The following PLEKHG4B variants were observed in gnomAD, a reference collection of about 807,000 sequenced individuals.
The protein encoded by PLEKHG4B is pleckstrin homology and RhoGEF domain containing G4B.
In PLEKHG4B, 111 loss-of-function variants were observed where a neutral mutation model predicts 121.3. That is an observed-to-expected ratio of 0.92 (90% CI 0.78 to 1.07). The LOEUF (loss-of-function observed/expected upper bound fraction) is 1.07. Among genes scored for constraint, PLEKHG4B ranks in the 50% least tolerant of loss-of-function variants. The pLI is 0.00. For missense variants in PLEKHG4B, 1,831 were observed against 1,757.8 expected, an observed-to-expected ratio of 1.04 and a Z score of -0.74; for synonymous variants, 738 against 725.0, an observed-to-expected ratio of 1.02 and a Z score of -0.29.
chr5:106,379 C>T (rs532552718), intron 1 of PLEKHG4B, among the ~76,000 whole-genome samples: 5 of 152,286 alleles, frequency 3.3e-5, no homozygotes, highest in African/African-American at 1.2e-4. Flanking sequence ...AAGAAGGTTC[C>T]AGTCCTCAGA....
At position 154,947 on chromosome 5, in the gene PLEKHG4B, G is replaced by A. The variant is rs559530263; in HGVS notation, c.2065G>A (p.Gly689Ser). 3 of 1,613,452 alleles carry A rather than the reference G, an allele frequency of 1.9e-6. No homozygotes were observed. The highest frequency in any genetic ancestry group is 1.3e-5 in the African/African-American group (1 of 74,894). Reference sequence around the variant, plus strand: ...CTGCCAGCTGACCGCAGACCTCGACGGCTCCTTTCCCTACAGCCATGGTGA... The same window carrying A: ...CTGCCAGCTGACCGCAGACCTCGACAGCTCCTTTCCCTACAGCCATGGTGA... ...DSCQLTADLD[G>S]SFPYSHGDWI... Residue 689 changes from glycine (G) to serine (S), a missense_variant, in exon 8 of 20, where the codon GGC (glycine) becomes AGC (serine). Transcript: ENST00000637938.
At position 99,479 on chromosome 5, in the gene PLEKHG4B, G is replaced by A. The variant is rs115895057; in HGVS notation, c.45+7203G>A. Reference sequence around the variant, plus strand: ...CCTTTACGTTTAAATTTATTCCTAGGTATTTAATTCTTTTAGATGCTATTG... The same window carrying A: ...CCTTTACGTTTAAATTTATTCCTAGATATTTAATTCTTTTAGATGCTATTG... On this transcript the variant is annotated intron_variant, in intron 1 of 19. Coordinates refer to ENST00000637938, the MANE Select transcript of PLEKHG4B (RefSeq NM_052909.5). Among the ~76,000 whole-genome samples, 655 of 151,792 alleles carry A rather than the reference G, an allele frequency of 4.3e-3. 7 individuals are homozygous for A. Among genetic ancestry groups the A allele is most frequent in the African/African-American group, 0.015 (624 of 41,314 alleles).
At position 140,253 on chromosome 5, in the gene PLEKHG4B, G is replaced by A; in HGVS notation, c.1014G>A (p.Arg338=). ...TGGGCATCCCGAGCAGCAGGAGGCGGCCGCCGGGGGACCCCACTTGTGTGC... is the reference window on the plus strand; with the variant it reads ...TGGGCATCCCGAGCAGCAGGAGGCGACCGCCGGGGGACCCCACTTGTGTGC... ...TDLGIPSSRR[R]PPGDPTCVQP... The change falls in exon 3 of 20, where the codon CGG becomes CGA. Residue 338 remains arginine (R), a synonymous_variant. Transcript: ENST00000637938. The A allele has an allele frequency of 2.1e-6, 3 of 1,451,784 alleles. No individual in the cohort carries two copies. The highest frequency in any genetic ancestry group is 5.6e-5 in the Admixed American group (2 of 35,634). 89.9% of individuals were successfully genotyped at this position (1,451,784 alleles called of 1,614,324 possible). A position where few individuals can be genotyped will look rare whatever the true frequency, so the allele number is the denominator to read the frequency against.
chr5:98,708 C>G (rs181053115), intron 1 of PLEKHG4B, among the ~76,000 whole-genome samples: 3,138 of 146,974 alleles, frequency 0.021, 65 homozygotes, highest in Non-Finnish European at 0.032. Flanking sequence ...TCCTGACCCT[C>G]ATGATCCACC....
rs144694162 is a variant in PLEKHG4B at position 143,081 on chromosome 5, C to T, written c.1512C>T (p.Asp504=). The T allele has an allele frequency of 7.4e-5, 120 of 1,613,198 alleles. No individual in the cohort carries two copies. The African/African-American group carries it at 1.2e-3, about 16-fold the overall frequency. The change falls in exon 4 of 20, where the codon GAC becomes GAT. Residue 504 remains aspartate, a synonymous_variant. Transcript: ENST00000637938. ...VLASSACVST[D]GGSLHCHNPS... ...CATCCTCAGCCTGTGTCAGCACAGA[C>T]GGCGGCAGCCTCCATTGCCACAACC...
At chr5:175,059 G>A (rs1283349809) in intron 18 of PLEKHG4B, among the ~76,000 whole-genome samples, 1 of 152,088 alleles carries the variant, frequency 6.6e-6, no homozygotes, top group Non-Finnish European at 1.5e-5. Context: ...ACTCACACAC[G>A]TGTCTCTCGT....
chr5:141,605 C>T (rs923130965), intron 3 of PLEKHG4B, among the ~76,000 whole-genome samples: 1 of 151,394 alleles, frequency 6.6e-6, no homozygotes, highest in African/African-American at 2.4e-5. Context: ...CTGGAGGCCA[C>T]ATTCACAGTT....
At chr5:101,561 G>C (rs1733813647) in intron 1 of PLEKHG4B, among the ~76,000 whole-genome samples, 1 of 133,542 alleles carries the variant, frequency 7.5e-6, no homozygotes, top group South Asian at 2.2e-4. Context: ...TCTGGAAAAA[G>C]TCTGTAGGGG....
intron 2 of PLEKHG4B, among the ~76,000 whole-genome samples, chr5:123,587 G>C (rs1734529565): frequency 6.6e-6 from 1 of 152,044 alleles, no homozygotes; most frequent in South Asian, 2.1e-4. Context: ...ATTTCTTCCT[G>C]ATTTAATCTT....
chr5:154,502 C>G (rs1735704431), intron 7 of PLEKHG4B, among the ~76,000 whole-genome samples: 1 of 151,862 alleles, frequency 6.6e-6, no homozygotes, highest in Non-Finnish European at 1.5e-5. Flanking sequence ...GCTGCCAGGG[C>G]TTTCAGGAAA....
At chr5:147,921 A>G (rs1440347559) in intron 6 of PLEKHG4B, among the ~76,000 whole-genome samples, 1 of 152,224 alleles carries the variant, frequency 6.6e-6, no homozygotes, top group Non-Finnish European at 1.5e-5. Context: ...CCTGGAATGC[A>G]AGGATGGTTC....
chr5:123,833 G>A (rs1455795142), intron 2 of PLEKHG4B, among the ~76,000 whole-genome samples: 2 of 151,598 alleles, frequency 1.3e-5, no homozygotes, highest in Admixed American at 6.6e-5. Flanking sequence ...TTTGTCTCAC[G>A]TTTTTCTATT....
In PLEKHG4B at chr5:102,535, A is replaced by T. The variant is rs1054991691; in HGVS notation, c.45+10259A>T. Among the ~76,000 whole-genome samples the T allele has an allele frequency of 7.2e-5, 11 of 152,298 alleles. No individual in the cohort carries two copies. The South Asian group carries it at 2.3e-3, about 32-fold the overall frequency. ...TGAGTATTCTCAGGGCAAATGGGTT[A>T]AAAGTGTGTGGCACCTGCCCCGTCT... is the stretch of plus-strand genomic sequence containing the variant. On this transcript the variant is annotated intron_variant, in intron 1 of 19. Transcript: ENST00000637938.
chr5:151,542 C>A lies in PLEKHG4B; in HGVS notation c.1935C>A (p.Ile645=). 1 of 1,583,556 alleles carries A rather than the reference C, an allele frequency of 6.3e-7. No individual in the cohort carries two copies. The highest frequency in any genetic ancestry group is 1.1e-5 in the South Asian group (1 of 89,678). Residue 645 remains isoleucine (I), a synonymous_variant, in exon 7 of 20, where the codon ATC becomes ATA. Coordinates refer to ENST00000637938, the MANE Select transcript of PLEKHG4B (RefSeq NM_052909.5). The stretch of plus-strand genomic sequence containing the variant: ...ACACATCTCCTATAATTCATAGTAT[C>A]TTGCTGTTGGTAGATAAAGAATCTG... ...QNNTSPIIHS[I]LLLVDKESAF...
rs147962680 is a variant in PLEKHG4B, at chr5:188,608, C to G, written c.*6285C>G. The G allele has an allele frequency of 3.0e-4, 46 of 152,412 alleles. No individual in the cohort carries two copies. The highest frequency in any genetic ancestry group is 1.1e-3 in the African/African-American group (46 of 41,596). The allele number at this position is 152,412 out of a possible 1,614,324, so 9.4% of individuals were successfully genotyped here. On this transcript the variant is annotated 3_prime_UTR_variant, in exon 20 of 20. Transcript: ENST00000637938. ...CTGCTACGAGACAGACGCTCTTGTT[C>G]CGGATCAGAGCAGCAGACAGAACCG...
At position 186,444 on chromosome 5, in the gene PLEKHG4B, A is replaced by C. The variant is rs1211305730; in HGVS notation, c.*4121A>C. On this transcript the variant is annotated 3_prime_UTR_variant, in exon 20 of 20. Transcript: ENST00000637938. ...CCCGTGAGCTGAAGCAGGTGCTGAG[A>C]AGTGGGAGAGGCGGCCACTGGGTCC... is the stretch of plus-strand genomic sequence containing the variant. 2.0e-5 allele frequency: 3 copies of C among 152,238 alleles called. No individual in the cohort carries two copies. Among genetic ancestry groups the C allele is most frequent in the Non-Finnish European group, 4.4e-5 (3 of 68,060 alleles). The allele number at this position is 152,238 out of a possible 1,614,324, so 9.4% of individuals were successfully genotyped here.
At position 151,737 on chromosome 5, in the gene PLEKHG4B, C is replaced by A. The variant is rs150794582; in HGVS notation, c.1992+138C>A. 7.2e-6 allele frequency: 4 copies of A among 552,694 alleles called. No homozygotes were observed. In the East Asian group the frequency reaches 1.3e-4, roughly 18 times the overall value. 34.2% of individuals were successfully genotyped at this position (552,694 alleles called of 1,614,324 possible). On this transcript the variant is annotated intron_variant, in intron 7 of 19. Coordinates refer to ENST00000637938, the MANE Select transcript of PLEKHG4B (RefSeq NM_052909.5). The stretch of plus-strand genomic sequence containing the variant: ...GGAGCCTGGAAACCTACTTCCTACC[C>A]CGTAAGTTCTTGCAGGAGTCCTGCA...
At chr5:128,675 A>C (rs1734691195) in intron 2 of PLEKHG4B, among the ~76,000 whole-genome samples, 1 of 152,222 alleles carries the variant, frequency 6.6e-6, no homozygotes, top group Non-Finnish European at 1.5e-5. Context: ...CCAGAGTTCC[A>C]AAATAGTTAT....
intron 17 of PLEKHG4B, 36 bp from the exon 18 acceptor site, chr5:173,881 TC>T: frequency 6.2e-7 from 1 of 1,600,738 alleles, no homozygotes; most frequent in Non-Finnish European, 8.5e-7. Context: ...GAGACCATGT[TC>T]CTGATGGTGC....
Sources: allele counts gnomAD v4.1 joint callset (sites outside exome capture counted in the v4.1 genomes callset), GRCh38; gene constraint gnomAD v4.1.1; transcripts MANE v1.5; gene names NCBI Gene and HGNC (gene_info 2026-07-23, HGNC 2026-07-21).